CCDC171: variants seen among roughly 807,000 people sequenced by gnomAD.
CCDC171 encodes the protein coiled-coil domain-containing protein 171.
Under a neutral mutation model 168.2 loss-of-function variants are expected in CCDC171, and 177 were observed. The ratio of observed to expected loss-of-function variants is 1.05; its 90% CI spans 0.93 to 1.19. The LOEUF (loss-of-function observed/expected upper bound fraction) is 1.19, where lower values mean the gene tolerates loss of function less well. Among genes scored for constraint, CCDC171 ranks in the 50% most tolerant of loss-of-function variants. The probability of loss-of-function intolerance (pLI) is 0.00; values close to 1 mark genes in which losing one functional copy is unlikely to be tolerated. For missense variants in CCDC171, 1,991 were observed against 1,539.0 expected, an observed-to-expected ratio of 1.29 and a Z score of -4.91; for synonymous variants, 687 against 540.8, an observed-to-expected ratio of 1.27 and a Z score of -3.75.
At chr9:15,856,111 C>T (rs1588871887) in intron 23 of CCDC171, among the ~76,000 whole-genome samples, 1 of 151,850 alleles carries the variant, frequency 6.6e-6, no homozygotes, top group Non-Finnish European at 1.5e-5. Context: ...GGTGAACTCC[C>T]TTAGCTTCTG....
chr9:15,607,557 G>A (rs1479685215), intron 6 of CCDC171, among the ~76,000 whole-genome samples: 1 of 152,050 alleles, frequency 6.6e-6, no homozygotes, highest in Non-Finnish European at 1.5e-5. Context: ...TGCCTCCTGG[G>A]CTCAAGCAAT....
At chr9:15,696,596 G>T (rs1249466510) in intron 11 of CCDC171, among the ~76,000 whole-genome samples, 1 of 152,138 alleles carries the variant, frequency 6.6e-6, no homozygotes, top group Non-Finnish European at 1.5e-5. Flanking sequence ...TGTATCAGTG[G>T]TGTTTAATGG....
At chr9:15,995,855 T>C (rs1832353209) in intron 3 of CCDC171, among the ~76,000 whole-genome samples, 1 of 152,244 alleles carries the variant, frequency 6.6e-6, no homozygotes, top group Non-Finnish European at 1.5e-5. Flanking sequence ...TACCATTAAT[T>C]GTCATATATT....
chr9:15,868,556 C>T (rs1277087169), intron 23 of CCDC171, among the ~76,000 whole-genome samples: 1 of 151,488 alleles, frequency 6.6e-6, no homozygotes, highest in Non-Finnish European at 1.5e-5. Flanking sequence ...TGCAAGGAAA[C>T]TATTGAGGAA....
chr9:15,608,427 CA>C (rs1050097935), intron 6 of CCDC171, among the ~76,000 whole-genome samples: 1 of 152,088 alleles, frequency 6.6e-6, no homozygotes, highest in Non-Finnish European at 1.5e-5. Context: ...GTGGGTGTAA[CA>C]ATTTCAAAGA....
intron 6 of CCDC171, among the ~76,000 whole-genome samples, chr9:15,615,348 C>G (rs901477851): frequency 6.6e-6 from 1 of 152,066 alleles, no homozygotes; most frequent in Non-Finnish European, 1.5e-5. Flanking sequence ...AGGAAAACAT[C>G]TTTTTCCGTG....
chr9:15,978,895 A>G (rs192368522), downstream of CCDC171, among the ~76,000 whole-genome samples: 541 of 152,208 alleles, frequency 3.6e-3, 5 homozygotes, highest in Non-Finnish European at 5.8e-3. Flanking sequence ...ATCACTTTCC[A>G]TTCCCCAATC....
chr9:15,872,752 G>C (rs1817325364), intron 23 of CCDC171, among the ~76,000 whole-genome samples: 1 of 151,816 alleles, frequency 6.6e-6, no homozygotes, highest in African/African-American at 2.4e-5. Context: ...GGTTCAGAAG[G>C]GTAGAAGGCA....
intron 6 of CCDC171, among the ~76,000 whole-genome samples, chr9:15,609,517 G>C (rs1479106508): frequency 6.6e-6 from 1 of 152,194 alleles, no homozygotes; most frequent in Non-Finnish European, 1.5e-5. Context: ...TATAGCATGA[G>C]ATGGGATCTA....
At chr9:15,945,617 G>T (rs201334895) in intron 25 of CCDC171, among the ~76,000 whole-genome samples, 2 of 140,304 alleles carry the variant, frequency 1.4e-5, no homozygotes, top group Non-Finnish European at 3.1e-5. Flanking sequence ...GATTTGCATT[G>T]CTCTGATGGC....
At chr9:15,650,875 C>G (rs962376784) in intron 7 of CCDC171, among the ~76,000 whole-genome samples, 2 of 152,060 alleles carry the variant, frequency 1.3e-5, no homozygotes, top group Admixed American at 6.6e-5. Context: ...TTCAAGATCT[C>G]TCTTCCAGCT....
At chr9:15,568,041 A>G (rs542624858) in intron 2 of CCDC171, among the ~76,000 whole-genome samples, 4 of 146,688 alleles carry the variant, frequency 2.7e-5, no homozygotes, top group African/African-American at 7.7e-5. Context: ...ATTGTTCATT[A>G]CTAGGATATA....
At chr9:15,926,377 C>T (rs1759118011) in intron 25 of CCDC171, among the ~76,000 whole-genome samples, 1 of 151,702 alleles carries the variant, frequency 6.6e-6, no homozygotes, top group African/African-American at 2.4e-5. Flanking sequence ...CCCAAGACTG[C>T]TTGCAATAGT....
In CCDC171 at chr9:15,594,026, T is replaced by A. The variant is rs753426221; in HGVS notation, c.544-15T>A. ...TATTGATCTAACAGTAAAGCAAGAT[T>A]TTATTTATATAAAGGAAGCGTTGGA... is the stretch of plus-strand genomic sequence containing the variant. On this transcript the variant is annotated splice_polypyrimidine_tract_variant and intron_variant, in intron 5 of 25. Transcript: ENST00000380701. 2 of 1,563,448 alleles carry A rather than the reference T, an allele frequency of 1.3e-6. No homozygotes were observed. Among genetic ancestry groups the A allele is most frequent in the Admixed American group, 3.8e-5 (2 of 52,574 alleles).
intron 10 of CCDC171, among the ~76,000 whole-genome samples, chr9:15,680,687 G>A (rs895284726): frequency 1.3e-5 from 2 of 152,156 alleles, no homozygotes; most frequent in African/African-American, 4.8e-5. Context: ...CCTCTGTGTA[G>A]TCTACTGTAG....
At chr9:16,058,782 G>A (rs1302624304) in intron 1 of CCDC171, among the ~76,000 whole-genome samples, 1 of 152,196 alleles carries the variant, frequency 6.6e-6, no homozygotes, top group Non-Finnish European at 1.5e-5. Flanking sequence ...TCTCAACTGA[G>A]CTTCTTATTT....
At chr9:16,099,999 A>G in the CCDC171 span, among the ~76,000 whole-genome samples, 2 of 131,122 alleles carry the variant, frequency 1.5e-5, no homozygotes, top group Admixed American at 7.2e-5. Context: ...GATAGCTTTC[A>G]AGTTAAAAAA....
rs118153750 is a variant in CCDC171 at position 15,610,711 on chromosome 9, C to G, written c.676-12556C>G. ...TACCTGGGACTACAGGTGTGCACGA[C>G]CATACCTGGCTAATTTTTTCTGTTC... On this transcript the variant is annotated intron_variant, in intron 6 of 25. Coordinates refer to ENST00000380701, the MANE Select transcript of CCDC171 (RefSeq NM_173550.4). Among the ~76,000 whole-genome samples the G allele has an allele frequency of 2.1e-3, 315 of 152,036 alleles. 10 individuals carry two copies. The East Asian group carries it at 0.04, about 19-fold the overall frequency.
At chr9:15,900,091 A>T (rs1821416948) in intron 24 of CCDC171, among the ~76,000 whole-genome samples, 1 of 152,204 alleles carries the variant, frequency 6.6e-6, no homozygotes, top group East Asian at 1.9e-4. Context: ...GTCCTTTCCC[A>T]TGTTGTACAT....
Sources: allele counts gnomAD v4.1 joint callset (sites outside exome capture counted in the v4.1 genomes callset), GRCh38; gene constraint gnomAD v4.1.1; transcripts MANE v1.5; gene names NCBI Gene and HGNC (gene_info 2026-07-23, HGNC 2026-07-21).